EPHA6: variants seen among roughly 807,000 people sequenced by gnomAD.
EPHA6 encodes EPH receptor A6.
A neutral mutation model predicts 112.0 loss-of-function variants in EPHA6; 50 were observed. The observed-to-expected ratio is 0.45, with a 90% CI of 0.36 to 0.56. The LOEUF is 0.56. Ranked by LOEUF, EPHA6 falls within the 20% of genes least tolerant of loss-of-function variation. EPHA6 has a pLI of 0.00. For synonymous variants in EPHA6, 529 were observed against 490.7 expected (o/e 1.08, Z -1.03); for missense variants, 1,280 against 1,417.4 (o/e 0.90, Z 1.56).
intron 3 of EPHA6, among the ~76,000 whole-genome samples, chr3:97,027,704 C>T (rs963660318): frequency 2.0e-5 from 3 of 152,182 alleles, no homozygotes; most frequent in African/African-American, 7.2e-5. Context: ...TGCTTTATAA[C>T]AGTCTCAGTT....
intron 3 of EPHA6, among the ~76,000 whole-genome samples, chr3:97,007,653 A>G (rs1300086651): frequency 6.6e-6 from 1 of 151,974 alleles, no homozygotes; most frequent in Admixed American, 6.6e-5. Context: ...TCATGATGCT[A>G]TTTGGTTATT....
intron 11 of EPHA6, among the ~76,000 whole-genome samples, chr3:97,561,446 T>C (rs1215237338): frequency 6.6e-6 from 1 of 152,032 alleles, no homozygotes; most frequent in African/African-American, 2.4e-5. Flanking sequence ...TCTGGATAGA[T>C]CAAACCACAA....
intron 3 of EPHA6, among the ~76,000 whole-genome samples, chr3:97,019,807 C>A (rs1453988274): frequency 6.6e-6 from 1 of 151,902 alleles, no homozygotes; most frequent in African/African-American, 2.4e-5. Context: ...ATATATAAAA[C>A]ATATACATAA....
intron 3 of EPHA6, among the ~76,000 whole-genome samples, chr3:97,213,221 C>T (rs1323534719): frequency 1.3e-5 from 2 of 152,130 alleles, no homozygotes; most frequent in Non-Finnish European, 2.9e-5. Context: ...GCTTTATTTC[C>T]TCCACTGTGC....
At chr3:96,864,105 CA>C (rs1241293451) in intron 1 of EPHA6, among the ~76,000 whole-genome samples, 4 of 152,018 alleles carry the variant, frequency 2.6e-5, no homozygotes, top group African/African-American at 7.2e-5. Flanking sequence ...ATGGGAAAAC[CA>C]TACATTTCCC....
At chr3:97,167,372 G>A (rs528427289) in intron 3 of EPHA6, among the ~76,000 whole-genome samples, 3 of 151,944 alleles carry the variant, frequency 2.0e-5, no homozygotes, top group East Asian at 3.9e-4. Flanking sequence ...CATAGTCCCA[G>A]CTTCCTCTTA....
chr3:97,516,648 T>C (rs1045052032), intron 10 of EPHA6, among the ~76,000 whole-genome samples: 38 of 152,294 alleles, frequency 2.5e-4, no homozygotes, highest in African/African-American at 7.7e-4. Context: ...ATTAAAAATC[T>C]AATGTTGTAT....
At chr3:97,596,584 C>T (rs1461348879) in intron 12 of EPHA6, among the ~76,000 whole-genome samples, 1 of 151,600 alleles carries the variant, frequency 6.6e-6, no homozygotes, top group Non-Finnish European at 1.5e-5. Context: ...AAAATGCAAC[C>T]ATTACAATGT....
At chr3:97,226,659 G>T (rs2078365459) in intron 4 of EPHA6, among the ~76,000 whole-genome samples, 1 of 152,138 alleles carries the variant, frequency 6.6e-6, no homozygotes, top group Non-Finnish European at 1.5e-5. Flanking sequence ...GCCAGCACTG[G>T]TTTGAGGCCC....
At chr3:96,981,231 C>A (rs1482027845) in intron 2 of EPHA6, among the ~76,000 whole-genome samples, 1 of 152,060 alleles carries the variant, frequency 6.6e-6, no homozygotes, top group Non-Finnish European at 1.5e-5. Flanking sequence ...CCCATCAGTA[C>A]CTAATTTATT....
intron 13 of EPHA6, chr3:97,612,390 G>T: frequency 2.4e-6 from 1 of 421,602 alleles, no homozygotes. Flanking sequence ...GTATCCTAAA[G>T]CAGAATATAA....
chr3:97,272,010 G>A (rs2079899172), intron 5 of EPHA6, among the ~76,000 whole-genome samples: 1 of 152,114 alleles, frequency 6.6e-6, no homozygotes, highest in African/African-American at 2.4e-5. Context: ...CACATGCTAT[G>A]TATTAAATAT....
At chr3:97,328,198 A>G (rs899267411) in intron 5 of EPHA6, among the ~76,000 whole-genome samples, 1 of 151,548 alleles carries the variant, frequency 6.6e-6, no homozygotes. Flanking sequence ...ATAAGTTATC[A>G]TTTCTCTGGG....
chr3:97,284,084 T>C (rs979674312), intron 5 of EPHA6, among the ~76,000 whole-genome samples: 6 of 152,276 alleles, frequency 3.9e-5, no homozygotes, highest in Admixed American at 3.9e-4. Context: ...AATTAATAGA[T>C]AATACATGTT....
intron 12 of EPHA6, among the ~76,000 whole-genome samples, chr3:97,597,660 G>A (rs1250841710): frequency 6.6e-6 from 1 of 152,218 alleles, no homozygotes; most frequent in Non-Finnish European, 1.5e-5. Context: ...TGTCTTTACA[G>A]TACACTAACA....
chr3:97,405,033 A>G (rs2087248591), intron 5 of EPHA6, 117 bp from the exon 6 acceptor site: 2 of 1,144,860 alleles, frequency 1.7e-6, no homozygotes, highest in Admixed American at 2.6e-5. Context: ...TCTGCCTTCA[A>G]TAAATGGTGT....
chr3:97,409,859 A>G (rs915397593), intron 6 of EPHA6, among the ~76,000 whole-genome samples: 11 of 152,114 alleles, frequency 7.2e-5, no homozygotes, highest in African/African-American at 2.4e-4. Flanking sequence ...AAAAGGTAGC[A>G]TTTCTTATAT....
At chr3:97,234,900 A>G (rs553537372) in intron 4 of EPHA6, among the ~76,000 whole-genome samples, 1 of 152,162 alleles carries the variant, frequency 6.6e-6, no homozygotes, top group African/African-American at 2.4e-5. Flanking sequence ...TGTATGTCCT[A>G]TGGAAACCTG....
At chr3:97,342,664 TAA>T (rs2083366404) in intron 5 of EPHA6, among the ~76,000 whole-genome samples, 1 of 152,110 alleles carries the variant, frequency 6.6e-6, no homozygotes, top group Non-Finnish European at 1.5e-5. Flanking sequence ...TCCCTTATGA[TAA>T]GAGATATAAG....
Sources: allele counts gnomAD v4.1 joint callset (sites outside exome capture counted in the v4.1 genomes callset), GRCh38; gene constraint gnomAD v4.1.1; transcripts MANE v1.5; gene names NCBI Gene and HGNC (gene_info 2026-07-23, HGNC 2026-07-21).